CNTNAP3: variants seen among roughly 807,000 people sequenced by gnomAD.
CNTNAP3 encodes the protein contactin associated protein family member 3.
A neutral mutation model predicts 92.1 loss-of-function variants in CNTNAP3; 36 were observed. That is an observed-to-expected ratio of 0.39 (90% CI 0.30 to 0.52). The LOEUF (loss-of-function observed/expected upper bound fraction) is 0.52. Ranked by LOEUF, CNTNAP3 falls within the 20% of genes least tolerant of loss-of-function variation. The pLI is 0.76. For synonymous variants in CNTNAP3, 232 were observed against 422.3 expected (o/e 0.55, Z 5.53); for missense variants, 534 against 1,069.6 (o/e 0.50, Z 6.98).
At chr9:39,141,234 C>T (rs1027949398) in intron 11 of CNTNAP3, among the ~76,000 whole-genome samples, 7 of 152,160 alleles carry the variant, frequency 4.6e-5, no homozygotes, top group Non-Finnish European at 7.4e-5. Flanking sequence ...CCCTCATTCA[C>T]CCTGTAATAA....
chr9:39,108,777 G>GA (rs1209860363), intron 15 of CNTNAP3, among the ~76,000 whole-genome samples: 3 of 152,114 alleles, frequency 2.0e-5, no homozygotes. Context: ...ACAGAGGTCA[G>GA]AAAATAGAGA....
At chr9:39,120,449 C>T (rs527504364) in intron 13 of CNTNAP3, among the ~76,000 whole-genome samples, 134 of 152,248 alleles carry the variant, frequency 8.8e-4, no homozygotes, top group African/African-American at 3.1e-3. Context: ...CCGAGGTGGG[C>T]GGATCACGAG....
chr9:39,085,964 ATAAT>A (rs761362855), intron 20 of CNTNAP3, 141 bp from the exon 21 acceptor site: 46 of 804,416 alleles, frequency 5.7e-5, no homozygotes, highest in South Asian at 1.1e-4. Context: ...CCACCTTCAA[ATAAT>A]TAATCATTTA....
At chr9:39,108,679 A>T (rs1587711478) in intron 15 of CNTNAP3, among the ~76,000 whole-genome samples, 1 of 152,100 alleles carries the variant, frequency 6.6e-6, no homozygotes, top group African/African-American at 2.4e-5. Context: ...AGGAGCGAGG[A>T]CTTGACCATG....
intron 18 of CNTNAP3, among the ~76,000 whole-genome samples, chr9:39,094,436 C>G (rs1468935166): frequency 6.6e-6 from 1 of 151,516 alleles, no homozygotes; most frequent in Non-Finnish European, 1.5e-5. Context: ...AAACCACTGC[C>G]AAATCCAAGA....
chr9:39,096,538 T>A (rs1826329799), intron 18 of CNTNAP3, among the ~76,000 whole-genome samples: 1 of 151,710 alleles, frequency 6.6e-6, no homozygotes, highest in Non-Finnish European at 1.5e-5. Context: ...TAAACATTTA[T>A]CATTTCTTTT....
intron 12 of CNTNAP3, among the ~76,000 whole-genome samples, chr9:39,135,925 C>A (rs1307342172): frequency 6.6e-6 from 1 of 151,534 alleles, no homozygotes; most frequent in Non-Finnish European, 1.5e-5. Context: ...GTCAGGAGAT[C>A]GAGACCATCC....
At chr9:39,155,918 T>C (rs185562243) in intron 9 of CNTNAP3, among the ~76,000 whole-genome samples, 2 of 144,292 alleles carry the variant, frequency 1.4e-5, no homozygotes, top group African/African-American at 5.6e-5. Flanking sequence ...ATTACAGGAT[T>C]AATTTTAATG....
chr9:39,112,072 T>C (rs1023824809), intron 14 of CNTNAP3, among the ~76,000 whole-genome samples: 29 of 151,426 alleles, frequency 1.9e-4, no homozygotes, highest in Admixed American at 1.6e-3. Context: ...GCTTATACTA[T>C]AGTCTACACT....
chr9:39,108,644 T>C (rs1169647055), intron 15 of CNTNAP3, among the ~76,000 whole-genome samples: 1 of 152,192 alleles, frequency 6.6e-6, no homozygotes, highest in Non-Finnish European at 1.5e-5. Context: ...CTAAGAACCC[T>C]GGGCTTATAG....
intron 15 of CNTNAP3, among the ~76,000 whole-genome samples, chr9:39,108,247 C>T (rs1309850929): frequency 6.6e-6 from 1 of 151,870 alleles, no homozygotes; most frequent in Non-Finnish European, 1.5e-5. Flanking sequence ...TCCGGGACTC[C>T]TTCATCAAGC....
intron 18 of CNTNAP3, among the ~76,000 whole-genome samples, chr9:39,098,834 A>G (rs541923936): frequency 6.6e-6 from 1 of 152,212 alleles, no homozygotes. Flanking sequence ...TAAGTGTAAC[A>G]GCCCAGAGAC....
rs1276699721 is a variant in CNTNAP3 at position 39,124,468 on chromosome 9, C to A, written c.2081-6209G>T. 4.6e-5 allele frequency among the ~76,000 whole-genome samples: 7 copies of A among 152,000 alleles called. No homozygotes were observed. In the South Asian group the frequency reaches 1.2e-3, roughly 27 times the overall value. On this transcript the variant is annotated intron_variant, in intron 13 of 23. Transcript: ENST00000297668. ...TTTAAATGTAAACAGTCTAAATATA[C>A]CAATTAAGAAAGCAATGGCAACAAA...
Position 39,068,289 on chromosome 9 carries a change from G to T in CNTNAP3, c.*5601C>A, listed in dbSNP as rs1209152689. Among the ~76,000 whole-genome samples the T allele has an allele frequency of 1.3e-5, 2 of 152,280 alleles. No individual in the cohort carries two copies. The highest frequency in any genetic ancestry group is 2.9e-5 in the Non-Finnish European group (2 of 68,054). On this transcript the variant is annotated 3_prime_UTR_variant, in exon 24 of 24. Transcript: ENST00000297668. ...AAATTAGCTGGGCATGTTGGCTTGT[G>T]CCTGTAGTCCCAGCTACTCGGGAGG...
At chr9:39,115,446 T>A in intron 14 of CNTNAP3, among the ~76,000 whole-genome samples, 1 of 151,178 alleles carries the variant, frequency 6.6e-6, no homozygotes, top group South Asian at 2.1e-4. Flanking sequence ...ATCAATTTTA[T>A]TTGAAAAATT....
chr9:39,141,029 T>C (rs1821562434), intron 11 of CNTNAP3, among the ~76,000 whole-genome samples: 1 of 152,232 alleles, frequency 6.6e-6, no homozygotes, highest in Admixed American at 6.5e-5. Context: ...CTAGAGACTG[T>C]AGTTTCTCTA....
rs2019864 is a variant in CNTNAP3 at position 39,103,444 on chromosome 9, C to T, written c.2536+300G>A. 2.1e-3 allele frequency among the ~76,000 whole-genome samples: 324 copies of T among 151,886 alleles called. 3 individuals are homozygous for T. The highest frequency in any genetic ancestry group is 7.0e-3 in the African/African-American group (291 of 41,394). ...CAAAAATACAAAAATTAGCTGGGCA[C>T]GGTGGTGCCTGCCTATAGTCCCAGC... On this transcript the variant is annotated intron_variant, in intron 16 of 23. Coordinates refer to ENST00000297668, the MANE Select transcript of CNTNAP3 (RefSeq NM_033655.5).
At chr9:39,107,364 G>A (rs1176054625) in intron 15 of CNTNAP3, among the ~76,000 whole-genome samples, 2 of 150,892 alleles carry the variant, frequency 1.3e-5, no homozygotes, top group Non-Finnish European at 3.0e-5. Flanking sequence ...ATGGGAGGGA[G>A]GAAGGGAGGG....
chr9:39,082,103 G>C (rs1380684012), intron 21 of CNTNAP3, among the ~76,000 whole-genome samples: 1 of 140,124 alleles, frequency 7.1e-6, no homozygotes, highest in Non-Finnish European at 1.6e-5. Context: ...AAAAAACAAA[G>C]AAACTCAAAT....
Sources: gnomAD v4.1 joint callset for allele counts (sites outside exome capture counted in the v4.1 genomes callset) on GRCh38, gnomAD v4.1.1 for gene constraint, MANE v1.5 for transcripts, NCBI Gene and HGNC (gene_info 2026-07-23, HGNC 2026-07-21) for gene names.